The following MYOF variants were observed in gnomAD, a reference collection of about 807,000 sequenced individuals.
MYOF encodes the protein fer-1-like 3, myoferlin.
In MYOF, 244 loss-of-function variants were observed where a neutral mutation model predicts 284.2. The ratio of observed to expected loss-of-function variants is 0.86; its 90% CI spans 0.77 to 0.95. MYOF has a LOEUF of 0.95. MYOF is among the 40% of genes least tolerant of loss of function. The pLI is 0.00. For missense variants in MYOF, 2,496 were observed against 2,560.6 expected, an observed-to-expected ratio of 0.97 and a Z score of 0.54; for synonymous variants, 904 against 919.7, an observed-to-expected ratio of 0.98 and a Z score of 0.31.
At chr10:93,476,297 G>A (rs1402402976) in intron 1 of MYOF, among the ~76,000 whole-genome samples, 2 of 129,172 alleles carry the variant, frequency 1.5e-5, no homozygotes, top group African/African-American at 5.8e-5. Context: ...TTGTTGCCAG[G>A]CTGGAGTGCA....
At chr10:93,370,639 C>T (rs1233697396) in intron 24 of MYOF, among the ~76,000 whole-genome samples, 3 of 152,010 alleles carry the variant, frequency 2.0e-5, no homozygotes, top group African/African-American at 4.8e-5. Flanking sequence ...TATTAAATCT[C>T]GACCCTTGAA....
rs1270597711 is a variant in MYOF at position 93,397,517 on chromosome 10, A to G, written c.1222-61T>C. ...AGTTTCTAATTTCTAAAAGTTTACA[A>G]TCTATGCATACTAGATTATGACTTT... On this transcript the variant is annotated intron_variant, in intron 13 of 53. Transcript: ENST00000359263. 6 of 1,254,058 alleles carry G rather than the reference A, an allele frequency of 4.8e-6. No homozygotes were observed. In the Admixed American group the frequency reaches 6.2e-5, roughly 13 times the overall value. 77.7% of individuals were successfully genotyped at this position (1,254,058 alleles called of 1,614,324 possible).
In MYOF at chr10:93,404,034, C is replaced by G; in HGVS notation, c.832G>C (p.Gly278Arg). ...CTGTTGTCACTCACCTTAAATTCCC[C>G]CATCAGACAATCTGCCCGCAGAGAG... Reference protein sequence around the residue: ...SHSLRADCLMGEFKIDVGFVY... With the variant: ...SHSLRADCLMREFKIDVGFVY... Residue 278 changes from glycine to arginine, a missense_variant, in exon 9 of 54, where the codon GGG (glycine) becomes CGG (arginine). By Grantham distance (125) the Gly-to-Arg change is moderately radical. This residue lies in a region of MYOF where 2,436 missense variants were observed against 2,480.7 expected (regional missense o/e 0.98). Transcript: ENST00000359263. 1 of 1,613,976 alleles carries G rather than the reference C, an allele frequency of 6.2e-7. No homozygotes were observed.
intron 16 of MYOF, among the ~76,000 whole-genome samples, chr10:93,393,288 C>T (rs1320734180): frequency 6.6e-6 from 1 of 152,198 alleles, no homozygotes; most frequent in Admixed American, 6.5e-5. Flanking sequence ...ATTTACTTAT[C>T]TTACGGCTTA....
intron 1 of MYOF, among the ~76,000 whole-genome samples, chr10:93,461,140 G>A (rs2056871843): frequency 6.6e-6 from 1 of 152,120 alleles, no homozygotes; most frequent in Non-Finnish European, 1.5e-5. Context: ...CCAGGCTTTT[G>A]CCTGTCTCAT....
intron 23 of MYOF, among the ~76,000 whole-genome samples, chr10:93,374,386 G>A (rs926079942): frequency 6.6e-6 from 1 of 152,088 alleles, no homozygotes; most frequent in Admixed American, 6.5e-5. Flanking sequence ...TGAATAACTT[G>A]CCCAATGTTA....
chr10:93,311,441 CTCT>C (rs1344740092), intron 51 of MYOF, among the ~76,000 whole-genome samples: 1 of 136,416 alleles, frequency 7.3e-6, no homozygotes, highest in Non-Finnish European at 1.5e-5. Flanking sequence ...GAAACCCCAT[CTCT>C]ACTAAAAATA....
At chr10:93,471,402 C>A (rs1464056131) in intron 1 of MYOF, among the ~76,000 whole-genome samples, 1 of 151,924 alleles carries the variant, frequency 6.6e-6, no homozygotes, top group Non-Finnish European at 1.5e-5. Context: ...CACTAAACAA[C>A]TCAATCTGTT....
chr10:93,386,508 T>G (rs1846372472), intron 19 of MYOF, among the ~76,000 whole-genome samples: 1 of 152,268 alleles, frequency 6.6e-6, no homozygotes, highest in Admixed American at 6.5e-5. Context: ...GCCCCGTGGC[T>G]TGCTGCTGTG....
Position 93,408,836 on chromosome 10 carries a change from T to G in MYOF, c.680A>C (p.Gln227Pro). Residue 227 changes from glutamine (Q) to proline (P), a missense_variant, in exon 7 of 54, where the codon CAG becomes CCG. Gln to Pro is a moderately conservative substitution (Grantham distance 76). Transcript: ENST00000359263. Reference sequence around the variant, plus strand: ...TCTCTTGATTCTTGTTCGGTGTGTCTGGCCACAGACGTGAACTTTGACCAC... The same window carrying G: ...TCTCTTGATTCTTGTTCGGTGTGTCGGGCCACAGACGTGAACTTTGACCAC... ...RPVVKVHVCG[Q>P]THRTRIKRGN... 1.9e-6 allele frequency: 3 copies of G among 1,614,236 alleles called. No individual in the cohort carries two copies. Among genetic ancestry groups the G allele is most frequent in the Non-Finnish European group, 2.5e-6 (3 of 1,180,042 alleles).
rs201378060 is a variant in MYOF, at chr10:93,453,104, T to TA, written c.145-964dup. Among the ~76,000 whole-genome samples, 13 of 150,836 alleles carry TA rather than the reference T, an allele frequency of 8.6e-5. No individual in the cohort carries two copies. The East Asian group carries it at 1.2e-3, about 14-fold the overall frequency. On this transcript the variant is annotated intron_variant, in intron 2 of 53. Transcript: ENST00000359263. ...CTTAAAAAATTATTTTTAGCACTTC[T>TA]AAAAAAAAACAAGTTCTCAGTCTCC...
rs765751755 is a variant in MYOF, at chr10:93,460,623, C to G, written c.89-3686G>C. 2.0e-5 allele frequency among the ~76,000 whole-genome samples: 3 copies of G among 151,686 alleles called. No homozygotes were observed. The South Asian group carries it at 6.2e-4, about 32-fold the overall frequency. On this transcript the variant is annotated intron_variant, in intron 1 of 53. Coordinates refer to ENST00000359263, the MANE Select transcript of MYOF (RefSeq NM_013451.4). ...CTACTAAAATACAAAAAATATTAGC[C>G]GGGCATGGTGGTGGACGCCTGCAGT...
chr10:93,317,256 A>G (rs576940269), intron 49 of MYOF, among the ~76,000 whole-genome samples: 2 of 102,078 alleles, frequency 2.0e-5, no homozygotes, highest in African/African-American at 8.1e-5. Context: ...CTCTCATTTT[A>G]CATGGGGGTA....
intron 3 of MYOF, among the ~76,000 whole-genome samples, chr10:93,433,451 G>A (rs1426464892): frequency 2.0e-5 from 3 of 151,622 alleles, no homozygotes; most frequent in Admixed American, 6.6e-5. Flanking sequence ...GAGCCGCCGC[G>A]CCTGGCCCAA....
intron 32 of MYOF, among the ~76,000 whole-genome samples, chr10:93,352,617 C>T (rs1391460431): frequency 6.6e-6 from 1 of 152,184 alleles, no homozygotes; most frequent in Non-Finnish European, 1.5e-5. Flanking sequence ...TGGGGGCTGA[C>T]TTATCTGAAA....
At chr10:93,478,887 A>G (rs1000491729) in intron 1 of MYOF, among the ~76,000 whole-genome samples, 39 of 151,596 alleles carry the variant, frequency 2.6e-4, no homozygotes, top group African/African-American at 8.7e-4. Context: ...ACTGAGGTCA[A>G]CTGTAAACCA....
intron 5 of MYOF, among the ~76,000 whole-genome samples, chr10:93,414,412 A>G (rs1488861431): frequency 1.3e-5 from 2 of 151,980 alleles, no homozygotes; most frequent in Non-Finnish European, 1.5e-5. Context: ...GGTGGCGTGC[A>G]CCTGTGGTCC....
intron 19 of MYOF, among the ~76,000 whole-genome samples, chr10:93,382,244 TTTC>T (rs1423049916): frequency 7.4e-6 from 1 of 135,756 alleles, no homozygotes; most frequent in Non-Finnish European, 1.7e-5. Flanking sequence ...TTTTCTCTAT[TTTC>T]TTTTTTTTTG....
chr10:93,476,031 T>G (rs1338340591), intron 1 of MYOF, among the ~76,000 whole-genome samples: 1 of 152,078 alleles, frequency 6.6e-6, no homozygotes, highest in Non-Finnish European at 1.5e-5. Flanking sequence ...GATTAAACAC[T>G]TTTGCCTTCC....
Sources: gnomAD v4.1 joint callset for allele counts (sites outside exome capture counted in the v4.1 genomes callset) on GRCh38, gnomAD v4.1.1 for gene constraint, gnomAD v4.1.1 regional missense constraint, MANE v1.5 for transcripts, NCBI Gene and HGNC (gene_info 2026-07-23, HGNC 2026-07-21) for gene names.